Variants in EPB41 observed in about 807,000 individuals in gnomAD.
EPB41 encodes the protein protein 4.1.
Under a neutral mutation model 108.0 loss-of-function variants are expected in EPB41, and 65 were observed. The ratio of observed to expected loss-of-function variants is 0.60; its 90% CI spans 0.49 to 0.74. EPB41 has a LOEUF of 0.74. Among genes scored for constraint, EPB41 ranks in the 30% least tolerant of loss-of-function variants. The pLI, the probability that EPB41 is intolerant of heterozygous loss-of-function variation, is 0.00. For synonymous variants in EPB41, 336 were observed against 358.9 expected (o/e 0.94, Z 0.72); for missense variants, 875 against 1,037.0 (o/e 0.84, Z 2.15).
intron 1 of EPB41, among the ~76,000 whole-genome samples, chr1:28,932,634 T>C (rs900143836): frequency 4.6e-5 from 7 of 152,166 alleles, no homozygotes; most frequent in African/African-American, 1.7e-4. Context: ...AGTTTTAGAC[T>C]AGATATTCTT....
intron 1 of EPB41, among the ~76,000 whole-genome samples, chr1:28,907,739 A>T (rs1037347699): frequency 1.3e-5 from 2 of 151,996 alleles, no homozygotes; most frequent in Non-Finnish European, 2.9e-5. Context: ...CAGTCTCTCG[A>T]GTAGCTGGGA....
intron 1 of EPB41, among the ~76,000 whole-genome samples, chr1:28,906,730 C>G (rs530178924): frequency 6.6e-6 from 1 of 152,098 alleles, no homozygotes; most frequent in East Asian, 1.9e-4. Context: ...TCAGACAGAC[C>G]TAGTTTAAGC....
At chr1:29,052,521 A>G (rs1326419110) in intron 11 of EPB41, among the ~76,000 whole-genome samples, 2 of 152,216 alleles carry the variant, frequency 1.3e-5, no homozygotes, top group African/African-American at 4.8e-5. Context: ...TTTATTATTA[A>G]AAGGGAGAGC....
At chr1:28,990,192 A>G (rs1384176289) in intron 2 of EPB41, among the ~76,000 whole-genome samples, 1 of 149,910 alleles carries the variant, frequency 6.7e-6, no homozygotes, top group East Asian at 2.0e-4. Context: ...AGATCACGCC[A>G]CTGCACTCCA....
At chr1:29,079,082 G>A (rs962874929) in intron 16 of EPB41, among the ~76,000 whole-genome samples, 63 of 150,716 alleles carry the variant, frequency 4.2e-4, no homozygotes, top group African/African-American at 1.4e-3. Flanking sequence ...GGCAACCTCC[G>A]CCTCCCGGGT....
At chr1:29,015,609 G>T in intron 5 of EPB41, 83 bp from the exon 6 acceptor site, 1 of 857,266 alleles carries the variant, frequency 1.2e-6, no homozygotes, top group Non-Finnish European at 1.9e-6. Context: ...AAGAAAAAGA[G>T]AAATGTTTGA....
intron 16 of EPB41, among the ~76,000 whole-genome samples, chr1:29,085,906 C>T (rs1008506234): frequency 2.6e-5 from 4 of 152,134 alleles, no homozygotes; most frequent in African/African-American, 9.7e-5. Context: ...TATTATATTC[C>T]CCTTATAAAA....
At chr1:28,900,450 G>A (rs939807675) in intron 1 of EPB41, among the ~76,000 whole-genome samples, 11 of 151,784 alleles carry the variant, frequency 7.2e-5, no homozygotes, top group Admixed American at 6.6e-5. Context: ...ACCATGCTAG[G>A]CTAATTTTTG....
At chr1:28,934,238 G>A (rs2093885093) in intron 1 of EPB41, among the ~76,000 whole-genome samples, 1 of 152,098 alleles carries the variant, frequency 6.6e-6, no homozygotes, top group Admixed American at 6.6e-5. Flanking sequence ...ACCCAGAGAG[G>A]TAAAGTATCA....
At chr1:29,010,740 G>C (rs1434980102) in intron 4 of EPB41, among the ~76,000 whole-genome samples, 3 of 152,190 alleles carry the variant, frequency 2.0e-5, no homozygotes, top group African/African-American at 7.2e-5. Context: ...GTGGGCAAGA[G>C]TAGTTTGGGA....
chr1:29,045,496 G>A (rs1642884701), intron 11 of EPB41, among the ~76,000 whole-genome samples: 1 of 151,342 alleles, frequency 6.6e-6, no homozygotes, highest in South Asian at 2.1e-4. Context: ...TAGGACTACA[G>A]GTGCATGCCA....
chr1:28,961,545 T>C (rs1431594365), intron 1 of EPB41, among the ~76,000 whole-genome samples: 1 of 152,200 alleles, frequency 6.6e-6, no homozygotes, highest in African/African-American at 2.4e-5. Flanking sequence ...TAGGTGATGT[T>C]ACTCATCTGA....
At chr1:28,986,518 ATAAG>A (rs2095872623) in intron 1 of EPB41, among the ~76,000 whole-genome samples, 1 of 152,178 alleles carries the variant, frequency 6.6e-6, no homozygotes. Flanking sequence ...CACTTGCTTT[ATAAG>A]TTTTTCTTCT....
chr1:28,906,038 C>T (rs1186133655), intron 1 of EPB41, among the ~76,000 whole-genome samples: 2 of 151,956 alleles, frequency 1.3e-5, no homozygotes, highest in Non-Finnish European at 2.9e-5. Context: ...AGGCTGGTCT[C>T]GAACTCCTGG....
At chr1:29,080,575 G>C (rs1367202807) in intron 16 of EPB41, among the ~76,000 whole-genome samples, 2 of 151,818 alleles carry the variant, frequency 1.3e-5, no homozygotes, top group Non-Finnish European at 2.9e-5. Flanking sequence ...CTTGCTAAAA[G>C]ACAGGGTTTT....
chr1:29,052,086 T>G (rs564218688), intron 11 of EPB41, among the ~76,000 whole-genome samples: 1 of 152,334 alleles, frequency 6.6e-6, no homozygotes, highest in African/African-American at 2.4e-5. Flanking sequence ...GTGATTGTTT[T>G]GAAGTAAGCT....
At chr1:28,941,416 A>G (rs2094281161) in intron 1 of EPB41, among the ~76,000 whole-genome samples, 2 of 152,138 alleles carry the variant, frequency 1.3e-5, no homozygotes, top group South Asian at 2.1e-4. Flanking sequence ...AAAATGAGGT[A>G]TAAGTCCAAC....
intron 16 of EPB41, among the ~76,000 whole-genome samples, chr1:29,067,838 T>C (rs1205046994): frequency 1.3e-5 from 2 of 152,150 alleles, no homozygotes. Context: ...AGGACGCTAT[T>C]GTTTCCTACT....
At chr1:28,991,702 CAAAA>C (rs59227691) in intron 2 of EPB41, among the ~76,000 whole-genome samples, 7 of 98,514 alleles carry the variant, frequency 7.1e-5, no homozygotes, top group East Asian at 2.4e-4. Flanking sequence ...ACTCTTGTCT[CAAAA>C]AAAAAAAAAA....
Sources: allele counts gnomAD v4.1 joint callset (sites outside exome capture counted in the v4.1 genomes callset), GRCh38; gene constraint gnomAD v4.1.1; transcripts MANE v1.5; gene names NCBI Gene and HGNC (gene_info 2026-07-23, HGNC 2026-07-21).